The following C3orf22 variants were observed in gnomAD, a reference collection of about 807,000 sequenced individuals.
The protein encoded by C3orf22 is chromosome 3 open reading frame 22.
Under a neutral mutation model 10.8 loss-of-function variants are expected in C3orf22, and 7 were observed. That is an observed-to-expected ratio of 0.65 (90% CI 0.37 to 1.22). The LOEUF is 1.22. C3orf22 is among the 50% of genes most tolerant of loss of function. C3orf22 has a pLI of 0.02. For synonymous variants in C3orf22, 79 were observed against 78.9 expected, an observed-to-expected ratio of 1.00 and a Z score of 0.00; for missense variants, 173 against 177.0, an observed-to-expected ratio of 0.98 and a Z score of 0.13.
At chr3:126,557,395 G>A (rs556115348) in intron 1 of C3orf22, among the ~76,000 whole-genome samples, 2 of 152,358 alleles carry the variant, frequency 1.3e-5, no homozygotes, top group South Asian at 2.1e-4. Context: ...TGGGGAACAC[G>A]GGTAGCCCTT....
intron 1 of C3orf22, among the ~76,000 whole-genome samples, chr3:126,554,979 A>G (rs142192929): frequency 2.0e-5 from 3 of 152,340 alleles, no homozygotes; most frequent in Admixed American, 1.3e-4. Flanking sequence ...TGCTGGCTAC[A>G]TGAGGCTATC....
At chr3:126,556,768 CAG>C (rs1349260716) in intron 1 of C3orf22, among the ~76,000 whole-genome samples, 2 of 136,812 alleles carry the variant, frequency 1.5e-5, no homozygotes, top group African/African-American at 2.6e-5. Context: ...CACACTCACA[CAG>C]ACTCACACAC....
intron 4 of C3orf22, among the ~76,000 whole-genome samples, chr3:126,532,815 T>C (rs1198113549): frequency 6.6e-6 from 1 of 152,210 alleles, no homozygotes; most frequent in Non-Finnish European, 1.5e-5. Context: ...GCAGCTGGGA[T>C]TTTGACAGGA....
chr3:126,554,736 C>T (rs748360164), intron 1 of C3orf22, among the ~76,000 whole-genome samples: 88 of 152,248 alleles, frequency 5.8e-4, no homozygotes, highest in Non-Finnish European at 1.0e-3. Context: ...CACACGGGAC[C>T]CTGAAGCATG....
intron 4 of C3orf22, chr3:126,542,480 G>T: frequency 6.3e-7 from 1 of 1,584,166 alleles, no homozygotes; most frequent in Non-Finnish European, 8.6e-7. Context: ...CCTCTTCCGG[G>T]ACATCAGCCC....
At chr3:126,558,235 C>T (rs1317040565) in intron 1 of C3orf22, among the ~76,000 whole-genome samples, 2 of 152,184 alleles carry the variant, frequency 1.3e-5, no homozygotes, top group Admixed American at 6.5e-5. Context: ...ACTGAGGCTC[C>T]GGAAAGTTAA....
chr3:126,552,061 A>C lies in C3orf22; in HGVS notation c.151T>G (p.Ser51Ala). ...PLQPWEVTND[S>A]NTVQLPLQKR... Reference sequence around the variant, plus strand: ...TGCAGGGGCAGCTGCACCGTGTTCGAGTCGTTTGTGACCTCCCAGGGCTGC... The same window carrying C: ...TGCAGGGGCAGCTGCACCGTGTTCGCGTCGTTTGTGACCTCCCAGGGCTGC... Residue 51 changes from serine to alanine, a missense_variant, in exon 3 of 4, where the codon TCG (serine) becomes GCG (alanine). Physicochemically the swap from Ser to Ala is moderately conservative, Grantham distance 99. Coordinates refer to ENST00000318225, the MANE Select transcript of C3orf22 (RefSeq NM_152533.3). 1.2e-6 allele frequency: 2 copies of C among 1,613,664 alleles called. No individual in the cohort carries two copies. Among genetic ancestry groups the C allele is most frequent in the Non-Finnish European group, 1.7e-6 (2 of 1,179,814 alleles).
chr3:126,552,219 C>T, intron 2 of C3orf22, 97 bp from the exon 3 acceptor site: 1 of 1,549,138 alleles, frequency 6.5e-7, no homozygotes, highest in Non-Finnish European at 8.7e-7. Flanking sequence ...AGGCACTGTT[C>T]TAAGTGCTTC....
chr3:126,540,473 T>C (rs1172695059), intron 4 of C3orf22, among the ~76,000 whole-genome samples: 1 of 152,208 alleles, frequency 6.6e-6, no homozygotes, highest in Non-Finnish European at 1.5e-5. Flanking sequence ...CCTCACTAAG[T>C]GGGACTGTTT....
intron 4 of C3orf22, chr3:126,536,470 C>T: frequency 2.8e-6 from 2 of 725,342 alleles, no homozygotes; most frequent in Non-Finnish European, 2.3e-6. Context: ...CACAGAAGGG[C>T]ATCCTCCCCA....
chr3:126,547,711 A>G (rs954218247), downstream of C3orf22, among the ~76,000 whole-genome samples: 8 of 152,208 alleles, frequency 5.3e-5, no homozygotes, highest in Non-Finnish European at 1.2e-4. Flanking sequence ...TTGTTCTGGC[A>G]AGAGCTGATA....
At chr3:126,556,927 CACAT>C (rs71867497) in intron 1 of C3orf22, among the ~76,000 whole-genome samples, 56,659 of 150,368 alleles carry the variant, frequency 0.38, 11,214 homozygotes, top group African/African-American at 0.52. Flanking sequence ...CACACACAGA[CACAT>C]ACACACTCAC....
chr3:126,549,513 C>T (rs1307371764), downstream of C3orf22: 1 of 606,404 alleles, frequency 1.6e-6, no homozygotes. Flanking sequence ...TCCAGCAGCA[C>T]TGGAGTGAAC....
intron 4 of C3orf22, chr3:126,541,820 C>T (rs2107573708): frequency 6.4e-7 from 1 of 1,564,474 alleles, no homozygotes; most frequent in South Asian, 1.2e-5. Context: ...CCGGCAGCGC[C>T]TGCTACAGCC....
In C3orf22 at chr3:126,539,626, C is replaced by G. The variant is rs867110351; in HGVS notation, c.286+9911G>C. Among the ~76,000 whole-genome samples the G allele has an allele frequency of 2.1e-4, 30 of 142,752 alleles. No individual in the cohort carries two copies. In the Middle Eastern group the frequency reaches 0.012, roughly 56 times the overall value. 93.7% of individuals were successfully genotyped at this position (142,752 alleles called of 152,430 possible). ...CACACTCCACACCACACACACAGCACACACACACCCCACACACCACACACA... is the reference window on the plus strand; with the variant it reads ...CACACTCCACACCACACACACAGCAGACACACACCCCACACACCACACACA... On this transcript the variant is annotated intron_variant and NMD_transcript_variant, in intron 4 of 5. Coordinates refer to the C3orf22 transcript ENST00000505070.
rs971353845 is a variant in C3orf22 at position 126,552,016 on chromosome 3, T to A, written c.196A>T (p.Arg66Trp). The change falls in exon 3 of 4, where the codon AGG becomes TGG. Residue 66 changes from arginine (R) to tryptophan (W), a missense_variant. Physicochemically the swap from Arg to Trp is moderately radical, Grantham distance 101. Transcript: ENST00000318225. Reference protein sequence around the residue: ...LPLQKRLVPTRSIPVRGLGAP... With the variant: ...LPLQKRLVPTWSIPVRGLGAP... ...ACTTACCCTCGGACTGGGATGGACC[T>A]CGTTGGCACCAACCTCTTCTGCAGG... The A allele has an allele frequency of 6.2e-7, 1 of 1,612,744 alleles. No individual in the cohort carries two copies. The highest frequency in any genetic ancestry group is 8.5e-7 in the Non-Finnish European group (1 of 1,179,272).
downstream of C3orf22, among the ~76,000 whole-genome samples, chr3:126,548,022 G>A: frequency 6.6e-6 from 1 of 152,188 alleles, no homozygotes; most frequent in East Asian, 1.9e-4. Flanking sequence ...ATTGAAAAAA[G>A]CAAACAATGT....
Position 126,536,029 on chromosome 3 carries a change from C to T in C3orf22, c.287-6657G>A, listed in dbSNP as rs574502562. ...CTTGTCCCCTCTTGCCTAGTACCCT[C>T]CAACTTTGGAGGGTAGGACATGGGA... On this transcript the variant is annotated intron_variant and NMD_transcript_variant, in intron 4 of 5. Coordinates refer to the C3orf22 transcript ENST00000505070. Among the ~76,000 whole-genome samples, 9 of 152,306 alleles carry T rather than the reference C, an allele frequency of 5.9e-5. No homozygotes were observed. In the East Asian group the frequency reaches 1.7e-3, roughly 29 times the overall value.
At chr3:126,545,839 G>C (rs965743021), downstream of C3orf22, among the ~76,000 whole-genome samples, 2 of 152,196 alleles carry the variant, frequency 1.3e-5, no homozygotes, top group African/African-American at 4.8e-5. Flanking sequence ...CAGAGGAAGG[G>C]GGCTGAGGGC....
Sources: allele counts gnomAD v4.1 joint callset (sites outside exome capture counted in the v4.1 genomes callset), GRCh38; gene constraint gnomAD v4.1.1; transcripts MANE v1.5; gene names NCBI Gene and HGNC (gene_info 2026-07-23, HGNC 2026-07-21).